Variants in ZNF585A observed in about 807,000 individuals in gnomAD.
ZNF585A encodes zinc finger protein 585A.
A neutral mutation model predicts 14.9 loss-of-function variants in ZNF585A; 9 were observed. The observed-to-expected ratio is 0.60, with a 90% CI of 0.36 to 1.05. The LOEUF (loss-of-function observed/expected upper bound fraction) is 1.05. Among genes scored for constraint, ZNF585A ranks in the 50% least tolerant of loss-of-function variants. The pLI, the probability that ZNF585A is intolerant of heterozygous loss-of-function variation, is 0.01. For synonymous variants in ZNF585A, 276 were observed against 319.9 expected (o/e 0.86, Z 1.46); for missense variants, 726 against 926.4 (o/e 0.78, Z 2.81).
At chr19:37,156,117 C>A in intron 3 of ZNF585A, 112 bp downstream of exon 3, 3 of 1,557,414 alleles carry the variant, frequency 1.9e-6, no homozygotes, top group Non-Finnish European at 1.7e-6. Context: ...GAATCCTAGA[C>A]AAATCAAGAA....
In ZNF585A at chr19:37,153,609, G is replaced by T; in HGVS notation, c.293-3C>A. 1 of 1,600,034 alleles carries T rather than the reference G, an allele frequency of 6.2e-7. No individual in the cohort carries two copies. Among genetic ancestry groups the T allele is most frequent in the East Asian group, 2.2e-5 (1 of 44,798 alleles). ...ATTATGGTCCCATAATTTCTCTCCT[G>T]TTGGAATACACTCATGGTTACTATA... On this transcript the variant is annotated splice_region_variant and splice_polypyrimidine_tract_variant and intron_variant, in intron 4 of 4. Coordinates refer to ENST00000292841, the MANE Select transcript of ZNF585A (RefSeq NM_001288800.2).
At position 37,150,407 on chromosome 19, in the gene ZNF585A, C is replaced by T. The variant is rs997676275; in HGVS notation, c.*1182G>A. On this transcript the variant is annotated 3_prime_UTR_variant, in exon 5 of 5. Transcript: ENST00000292841. Reference sequence around the variant, plus strand: ...AACCATTGTATTGCAGGGGGCACACCACTGTCCCCTATTCTGAGGGTTGTA... The same window carrying T: ...AACCATTGTATTGCAGGGGGCACACTACTGTCCCCTATTCTGAGGGTTGTA... 3.9e-5 allele frequency: 6 copies of T among 152,226 alleles called. No individual in the cohort carries two copies. The highest frequency in any genetic ancestry group is 1.4e-4 in the African/African-American group (6 of 41,542). The allele number at this position is 152,226 out of a possible 1,614,324, so 9.4% of individuals were successfully genotyped here.
intron 2 of ZNF585A, among the ~76,000 whole-genome samples, chr19:37,164,864 G>C (rs943375743): frequency 5.3e-5 from 8 of 152,040 alleles, no homozygotes; most frequent in Non-Finnish European, 1.0e-4. Context: ...GTAGAGACAG[G>C]GTCTCACTAT....
Position 37,151,486 on chromosome 19 carries a change from T to C in ZNF585A, c.*103A>G, listed in dbSNP as rs1971827547. The C allele has an allele frequency of 6.4e-6, 8 of 1,259,548 alleles. No homozygotes were observed. Among genetic ancestry groups the C allele is most frequent in the Non-Finnish European group, 8.7e-6 (8 of 916,580 alleles). The allele number at this position is 1,259,548 out of a possible 1,614,324, so 78.0% of individuals were successfully genotyped here. A position where few individuals can be genotyped will look rare whatever the true frequency, so the allele number is the denominator to read the frequency against. On this transcript the variant is annotated 3_prime_UTR_variant, in exon 5 of 5. Transcript: ENST00000292841. ...AACAGCCATGTGTGACATTCTGCTG[T>C]GGTCATTTCTATTTACAATAATATA...
intron 2 of ZNF585A, among the ~76,000 whole-genome samples, chr19:37,159,714 A>G (rs995981130): frequency 1.3e-5 from 2 of 152,206 alleles, no homozygotes; most frequent in East Asian, 3.8e-4. Flanking sequence ...TCCACAAGGG[A>G]ATCAAACAAA....
At chr19:37,168,947 T>C (rs766701066) in intron 2 of ZNF585A, among the ~76,000 whole-genome samples, 1 of 152,338 alleles carries the variant, frequency 6.6e-6, no homozygotes, top group East Asian at 1.9e-4. Flanking sequence ...CGGTCCTGTA[T>C]GTTGAGAAAC....
chr19:37,157,888 C>CT lies in ZNF585A; in HGVS notation c.73-1534dup, dbSNP rs566034676. Among the ~76,000 whole-genome samples the CT allele has an allele frequency of 1.8e-3, 231 of 125,534 alleles. 1 individual carries two copies. Among genetic ancestry groups the CT allele is most frequent in the East Asian group, 4.7e-3 (21 of 4,444 alleles). 82.4% of individuals were successfully genotyped at this position (125,534 alleles called of 152,430 possible). A position where few individuals can be genotyped will look rare whatever the true frequency, so the allele number is the denominator to read the frequency against. On this transcript the variant is annotated intron_variant, in intron 2 of 4. Transcript: ENST00000292841. ...ACCAAACAGCTGGTGAGGAAAAGTT[C>CT]TTTTTTTTTTTTTTTTTTAGACAAA... is the stretch of plus-strand genomic sequence containing the variant.
chr19:37,156,043 T>C (rs1485844930), intron 3 of ZNF585A, 86 bp from the exon 4 acceptor site: 1 of 1,591,742 alleles, frequency 6.3e-7, no homozygotes, highest in Non-Finnish European at 8.6e-7. Flanking sequence ...TGATGAGGAT[T>C]TTTTCTTCAG....
chr19:37,153,400 A>T lies in ZNF585A; in HGVS notation c.499T>A (p.Phe167Ile), dbSNP rs752198586. The T allele has an allele frequency of 6.2e-7, 1 of 1,614,076 alleles. No individual in the cohort carries two copies. Among genetic ancestry groups the T allele is most frequent in the Non-Finnish European group, 8.5e-7 (1 of 1,180,012 alleles). ...ATAATAAATTCTGGCTTCTGTACAA[A>T]AGCCTTCCCACATTCAATGCATACA... Reference protein sequence around the residue: ...LYVCIECGKAFVQKPEFIIHQ... With the variant: ...LYVCIECGKAIVQKPEFIIHQ... Residue 167 changes from phenylalanine (F) to isoleucine (I), a missense_variant, in exon 5 of 5, where the codon TTT (phenylalanine) becomes ATT (isoleucine). Physicochemically the swap from Phe to Ile is conservative, Grantham distance 21. This residue lies in a region of ZNF585A where 483 missense variants were observed against 542.8 expected (regional missense o/e 0.89). Coordinates refer to ENST00000292841, the MANE Select transcript of ZNF585A (RefSeq NM_001288800.2).
At chr19:37,169,330 G>T (rs898495918) in intron 2 of ZNF585A, among the ~76,000 whole-genome samples, 1 of 151,578 alleles carries the variant, frequency 6.6e-6, no homozygotes, top group Non-Finnish European at 1.5e-5. Context: ...CAAAAGAAGG[G>T]CTGGAAGGCA....
chr19:37,169,816 C>T (rs1482241869), intron 2 of ZNF585A, 23 bp downstream of exon 2: 1 of 1,609,110 alleles, frequency 6.2e-7, no homozygotes. Context: ...AATTCCCACC[C>T]CCCTGGGACT....
At position 37,169,783 on chromosome 19, in the gene ZNF585A, C is replaced by A; in HGVS notation, c.72+56G>T. The A allele has an allele frequency of 3.1e-6, 5 of 1,597,610 alleles. No individual in the cohort carries two copies. The South Asian group carries it at 5.5e-5, about 18-fold the overall frequency. ...CAGTCATGAGGTTCTAGTGACAGAC[C>A]AGAGATACCTAGTCCTGGATTGAAT... On this transcript the variant is annotated intron_variant, in intron 2 of 4. Coordinates refer to ENST00000292841, the MANE Select transcript of ZNF585A (RefSeq NM_001288800.2).
chr19:37,167,151 A>G (rs746494929), intron 2 of ZNF585A, among the ~76,000 whole-genome samples: 34 of 151,764 alleles, frequency 2.2e-4, no homozygotes, highest in Non-Finnish European at 8.8e-5. Flanking sequence ...CAAACTTTAA[A>G]ATGCACTACT....
chr19:37,167,660 C>T (rs1244515118), intron 2 of ZNF585A, among the ~76,000 whole-genome samples: 1 of 150,160 alleles, frequency 6.7e-6, no homozygotes. Context: ...CTCGCCCTGT[C>T]GCCCAGCCTG....
chr19:37,163,659 T>C (rs1299988884), intron 2 of ZNF585A, among the ~76,000 whole-genome samples: 2 of 152,048 alleles, frequency 1.3e-5, no homozygotes, highest in Admixed American at 6.5e-5. Context: ...GTTATCATTA[T>C]TCACAGTACA....
chr19:37,163,061 A>G (rs1023712347), intron 2 of ZNF585A, among the ~76,000 whole-genome samples: 31 of 152,232 alleles, frequency 2.0e-4, no homozygotes, highest in Middle Eastern at 3.4e-3. Context: ...TTCATGCCCT[A>G]CACACACTGA....
chr19:37,162,849 G>A (rs1162223425), intron 2 of ZNF585A, among the ~76,000 whole-genome samples: 1 of 152,062 alleles, frequency 6.6e-6, no homozygotes, highest in African/African-American at 2.4e-5. Context: ...TGAAAGGAGG[G>A]AAAGGATCAG....
intron 2 of ZNF585A, among the ~76,000 whole-genome samples, chr19:37,166,737 T>C (rs552509317): frequency 6.6e-6 from 1 of 151,912 alleles, no homozygotes; most frequent in Non-Finnish European, 1.5e-5. Context: ...ACTCATACCT[T>C]AGGTCTTTTT....
At chr19:37,169,183 T>C (rs1462177780) in intron 2 of ZNF585A, among the ~76,000 whole-genome samples, 1 of 151,942 alleles carries the variant, frequency 6.6e-6, no homozygotes, top group Non-Finnish European at 1.5e-5. Flanking sequence ...TCACAATATC[T>C]CCAGAGGCAT....
Sources: allele counts gnomAD v4.1 joint callset (sites outside exome capture counted in the v4.1 genomes callset), GRCh38; gene constraint gnomAD v4.1.1; regional missense constraint gnomAD v4.1.1; transcripts MANE v1.5; gene names NCBI Gene and HGNC (gene_info 2026-07-23, HGNC 2026-07-21).